The following PDE4D variants were observed in gnomAD, a reference collection of about 807,000 sequenced individuals.
PDE4D encodes 3',5'-cyclic-AMP phosphodiesterase 4D.
In PDE4D, 24 loss-of-function variants were observed where a neutral mutation model predicts 87.4. The ratio of observed to expected loss-of-function variants is 0.27; its 90% CI spans 0.20 to 0.39. The LOEUF is 0.39. PDE4D is among the 10% of genes least tolerant of loss of function. The pLI, the probability that PDE4D is intolerant of heterozygous loss-of-function variation, is 1.00. For synonymous variants in PDE4D, 384 were observed against 383.2 expected (o/e 1.00, Z -0.02); for missense variants, 714 against 1,041.0 (o/e 0.69, Z 4.32).
At chr5:59,942,261 A>T (rs746490869) in intron 3 of PDE4D, among the ~76,000 whole-genome samples, 38 of 152,208 alleles carry the variant, frequency 2.5e-4, no homozygotes, top group Non-Finnish European at 4.4e-4. Flanking sequence ...TTTACTGGGG[A>T]GTGGGTTAAA....
At chr5:60,053,564 A>C (rs1412915001) in intron 2 of PDE4D, among the ~76,000 whole-genome samples, 1 of 152,248 alleles carries the variant, frequency 6.6e-6, no homozygotes, top group African/African-American at 2.4e-5. Flanking sequence ...AGACTTAAAC[A>C]TAAGACCTAA....
intron 1 of PDE4D, among the ~76,000 whole-genome samples, chr5:60,219,254 GC>G (rs1744218098): frequency 1.3e-5 from 2 of 152,094 alleles, no homozygotes; most frequent in African/African-American, 4.8e-5. Context: ...TGAAAAACAG[GC>G]AAAGGTTAGC....
Position 60,143,210 on chromosome 5 carries a change from A to C in PDE4D, c.42+42347T>G, listed in dbSNP as rs187684660. ...AATAATGAAGCATATTGTTTTCATA[A>C]ACCTTTGTAAAATCTGCTGCATTCT... On this transcript the variant is annotated intron_variant, in intron 2 of 16. Coordinates refer to the PDE4D transcript ENST00000502484. 9.6e-4 allele frequency among the ~76,000 whole-genome samples: 146 copies of C among 152,308 alleles called. 1 individual carries two copies. Among genetic ancestry groups the C allele is most frequent in the Middle Eastern group, 3.4e-3 (1 of 294 alleles).
chr5:60,411,392 G>A (rs967837866), intron 1 of PDE4D, among the ~76,000 whole-genome samples: 4 of 152,136 alleles, frequency 2.6e-5, no homozygotes, highest in Non-Finnish European at 5.9e-5. Context: ...GGCCTTTCAC[G>A]TGTATTATTA....
chr5:60,154,333 G>A (rs1250903859), intron 2 of PDE4D, among the ~76,000 whole-genome samples: 2 of 151,814 alleles, frequency 1.3e-5, no homozygotes, highest in Non-Finnish European at 2.9e-5. Flanking sequence ...CTGGAGTGCA[G>A]TGGCACCATC....
At chr5:59,535,081 G>T (rs1232569709) in intron 1 of PDE4D, among the ~76,000 whole-genome samples, 2 of 143,174 alleles carry the variant, frequency 1.4e-5, no homozygotes, top group Non-Finnish European at 3.1e-5. Flanking sequence ...GTGTGTGGGG[G>T]GGGGGTCCTC....
At chr5:60,270,508 TTATCTC>T (rs1244847438) in intron 1 of PDE4D, among the ~76,000 whole-genome samples, 1 of 152,230 alleles carries the variant, frequency 6.6e-6, no homozygotes, top group Admixed American at 6.5e-5. Flanking sequence ...TTTTTCATCT[TTATCTC>T]TATTGTTTTA....
intron 1 of PDE4D, among the ~76,000 whole-genome samples, chr5:59,427,319 A>G (rs1421503234): frequency 6.6e-6 from 1 of 151,192 alleles, no homozygotes; most frequent in Non-Finnish European, 1.5e-5. Context: ...ACACACACAC[A>G]CACACACACA....
In PDE4D at chr5:59,215,711, T is replaced by C. The variant is rs1461053740; in HGVS notation, c.647+66A>G. The C allele has an allele frequency of 3.7e-6, 5 of 1,342,754 alleles. No homozygotes were observed. The Admixed American group carries it at 8.6e-5, about 23-fold the overall frequency. 83.2% of individuals were successfully genotyped at this position (1,342,754 alleles called of 1,614,324 possible). A position where few individuals can be genotyped will look rare whatever the true frequency, so the allele number is the denominator to read the frequency against. On this transcript the variant is annotated intron_variant, in intron 2 of 14. Coordinates refer to ENST00000340635, the MANE Select transcript of PDE4D (RefSeq NM_001104631.2). ...AGTTGAACAAAAGTCATTAGTTTTATTATGTCATCAGCTCTAGATATAAAT... is the reference window on the plus strand; with the variant it reads ...AGTTGAACAAAAGTCATTAGTTTTACTATGTCATCAGCTCTAGATATAAAT...
chr5:58,995,359 G>A (rs1748978672), intron 6 of PDE4D, among the ~76,000 whole-genome samples: 1 of 152,036 alleles, frequency 6.6e-6, no homozygotes. Flanking sequence ...GCATCAGGTG[G>A]TATACAGAAC....
intron 1 of PDE4D, among the ~76,000 whole-genome samples, chr5:59,609,246 G>T (rs1163136468): frequency 1.3e-5 from 2 of 151,978 alleles, no homozygotes; most frequent in Non-Finnish European, 2.9e-5. Flanking sequence ...ACCATTCTCA[G>T]TTCTCCCTCT....
rs115912734 is a variant in PDE4D at position 59,492,959 on chromosome 5, A to C, written c.456-276991T>G. Among the ~76,000 whole-genome samples, 641 of 152,252 alleles carry C rather than the reference A, an allele frequency of 4.2e-3. 5 individuals are homozygous for C. Among genetic ancestry groups the C allele is most frequent in the African/African-American group, 0.014 (596 of 41,554 alleles). ...TTTGCCATGATTGTGAGGTCTCCCC[A>C]GCCATGTGGAACTGAGTCCCTTAAA... On this transcript the variant is annotated intron_variant, in intron 1 of 14. Transcript: ENST00000340635.
At chr5:59,403,187 A>ATTGATT (rs1790999807) in intron 1 of PDE4D, among the ~76,000 whole-genome samples, 2 of 150,874 alleles carry the variant, frequency 1.3e-5, no homozygotes, top group Admixed American at 6.6e-5. Flanking sequence ...ATAGATAGAT[A>ATTGATT]GATTGATTGA....
intron 6 of PDE4D, chr5:58,999,503 A>C (rs550606763): frequency 1.3e-6 from 2 of 1,532,150 alleles, no homozygotes; most frequent in African/African-American, 2.7e-5. Flanking sequence ...ATGTAGCCCC[A>C]AGACACTGAC....
chr5:58,989,665 T>C (rs962918205), intron 10 of PDE4D, 90 bp downstream of exon 10: 1 of 709,528 alleles, frequency 1.4e-6, no homozygotes, highest in African/African-American at 1.8e-5. Context: ...AATCCAATTA[T>C]CTTCTCCATT....
At chr5:60,273,151 G>A (rs571463854) in intron 1 of PDE4D, among the ~76,000 whole-genome samples, 82 of 152,290 alleles carry the variant, frequency 5.4e-4, no homozygotes, top group African/African-American at 1.9e-3. Flanking sequence ...CTGAAGGTCA[G>A]TGTGGTAATT....
intron 1 of PDE4D, among the ~76,000 whole-genome samples, chr5:60,511,697 T>A (rs535197736): frequency 9.2e-5 from 14 of 152,052 alleles, no homozygotes; most frequent in African/African-American, 3.1e-4. Flanking sequence ...GATACACAAC[T>A]AGTAAGGAAC....
At chr5:59,379,357 T>TA (rs1785322371) in intron 1 of PDE4D, among the ~76,000 whole-genome samples, 1 of 152,198 alleles carries the variant, frequency 6.6e-6, no homozygotes, top group Non-Finnish European at 1.5e-5. Flanking sequence ...ACTTATTTTT[T>TA]ATGACCATAT....
chr5:59,143,273 T>C (rs1383586357), intron 5 of PDE4D, among the ~76,000 whole-genome samples: 5 of 150,688 alleles, frequency 3.3e-5, no homozygotes, highest in East Asian at 2.0e-4. Flanking sequence ...CAGTTAACTC[T>C]ACACTTTTAT....
Sources: allele counts gnomAD v4.1 joint callset (sites outside exome capture counted in the v4.1 genomes callset), GRCh38; gene constraint gnomAD v4.1.1; transcripts MANE v1.5; gene names NCBI Gene and HGNC (gene_info 2026-07-23, HGNC 2026-07-21).